The following PLCB1 variants were observed in gnomAD, a reference collection of about 807,000 sequenced individuals.
PLCB1 encodes the protein phospholipase C beta 1.
PLCB1 carries 46 observed loss-of-function variants against 161.8 expected under a neutral mutation model. That is an observed-to-expected ratio of 0.28 (90% CI 0.22 to 0.36). PLCB1 has a LOEUF of 0.36. PLCB1 is among the 10% of genes least tolerant of loss of function. The pLI, the probability that PLCB1 is intolerant of heterozygous loss-of-function variation, is 1.00. For synonymous variants in PLCB1, 517 were observed against 503.7 expected (o/e 1.03, Z -0.35); for missense variants, 1,016 against 1,472.5 (o/e 0.69, Z 5.07).
intron 3 of PLCB1, among the ~76,000 whole-genome samples, chr20:8,441,513 A>G (rs529694793): frequency 1.3e-5 from 2 of 152,356 alleles, no homozygotes; most frequent in South Asian, 4.1e-4. Flanking sequence ...ATTCCAATTT[A>G]TATCAATAAG....
At position 8,388,434 on chromosome 20, in the gene PLCB1, C is replaced by T. The variant is rs913886920; in HGVS notation, c.246+16984C>T. Among the ~76,000 whole-genome samples the T allele has an allele frequency of 7.9e-5, 12 of 152,134 alleles. No individual in the cohort carries two copies. The East Asian group carries it at 2.3e-3, about 29-fold the overall frequency. On this transcript the variant is annotated intron_variant, in intron 3 of 31. Coordinates refer to ENST00000338037, the MANE Select transcript of PLCB1 (RefSeq NM_015192.4). The stretch of plus-strand genomic sequence containing the variant: ...TCCCATTGCTGATTATAAGCTGTTT[C>T]CCTGACTTTGTACAGATTTCACCAT...
At chr20:8,333,021 T>C (rs1434123798) in intron 2 of PLCB1, among the ~76,000 whole-genome samples, 1 of 152,198 alleles carries the variant, frequency 6.6e-6, no homozygotes, top group African/African-American at 2.4e-5. Flanking sequence ...AAAAGTCTTC[T>C]CAACGAGGGA....
chr20:8,533,003 T>A (rs953400660), intron 3 of PLCB1, among the ~76,000 whole-genome samples: 3 of 146,532 alleles, frequency 2.0e-5, no homozygotes, highest in African/African-American at 7.6e-5. Flanking sequence ...CCTAATGCTA[T>A]CCCTCCCCCC....
chr20:8,197,538 C>T (rs1228071560), intron 2 of PLCB1, among the ~76,000 whole-genome samples: 4 of 152,084 alleles, frequency 2.6e-5, no homozygotes, highest in African/African-American at 9.6e-5. Flanking sequence ...TGTTTGAGTT[C>T]ATTGTAGATT....
Position 8,761,525 on chromosome 20 carries a change from T to G in PLCB1, c.2710+1065T>G, listed in dbSNP as rs149350175. Among the ~76,000 whole-genome samples, 481 of 152,326 alleles carry G rather than the reference T, an allele frequency of 3.2e-3. 1 individual carries two copies. Among genetic ancestry groups the G allele is most frequent in the African/African-American group, 0.01 (425 of 41,582 alleles). On this transcript the variant is annotated intron_variant, in intron 25 of 31. Transcript: ENST00000338037. ...AAGAAAACAAAACATGGTTTGGTTT[T>G]GTTTTGTTTTTGAGACAAAGTCTCA...
At chr20:8,480,954 A>G (rs1490452519) in intron 3 of PLCB1, among the ~76,000 whole-genome samples, 3 of 152,108 alleles carry the variant, frequency 2.0e-5, no homozygotes, top group Non-Finnish European at 4.4e-5. Context: ...AAATACAAAA[A>G]TTAGCTGGGC....
chr20:8,625,751 T>C (rs941889325), intron 3 of PLCB1, among the ~76,000 whole-genome samples: 4 of 152,182 alleles, frequency 2.6e-5, no homozygotes, highest in African/African-American at 9.7e-5. Context: ...ACCATCCAGA[T>C]GTAGAATCAT....
At chr20:8,259,546 G>A (rs1483571686) in intron 2 of PLCB1, among the ~76,000 whole-genome samples, 2 of 152,044 alleles carry the variant, frequency 1.3e-5, no homozygotes, top group African/African-American at 2.4e-5. Context: ...AGCCCCAAAG[G>A]CAGAGGATGG....
At chr20:8,515,446 G>A (rs1984069525) in intron 3 of PLCB1, among the ~76,000 whole-genome samples, 1 of 152,158 alleles carries the variant, frequency 6.6e-6, no homozygotes, top group Non-Finnish European at 1.5e-5. Context: ...GATGCTGTGA[G>A]CGTGTGTTAG....
At chr20:8,829,554 G>A (rs900720882) in intron 31 of PLCB1, among the ~76,000 whole-genome samples, 12 of 152,190 alleles carry the variant, frequency 7.9e-5, no homozygotes, top group East Asian at 5.8e-4. Flanking sequence ...TTTTGTAGAT[G>A]GATTTGAAGA....
intron 19 of PLCB1, among the ~76,000 whole-genome samples, chr20:8,733,792 TAATAATAATAA>T (rs1312728621): frequency 3.0e-5 from 2 of 65,930 alleles, no homozygotes; most frequent in East Asian, 6.0e-4. Context: ...AGTATAATAA[TAATAATAATAA>T]TAATAATAAT....
rs1176778866 is a variant in PLCB1 at position 8,433,741 on chromosome 20, C to G, written c.246+62291C>G. On this transcript the variant is annotated intron_variant, in intron 3 of 31. Coordinates refer to ENST00000338037, the MANE Select transcript of PLCB1 (RefSeq NM_015192.4). ...TCCTCCTCATCCTCCTCCTCCTCCT[C>G]CTCATGGACAATTGGTTTCATCCAT... is the stretch of plus-strand genomic sequence containing the variant. Among the ~76,000 whole-genome samples, 2 of 116,754 alleles carry G rather than the reference C, an allele frequency of 1.7e-5. 1 individual carries two copies. Among genetic ancestry groups the G allele is most frequent in the African/African-American group, 7.2e-5 (2 of 27,912 alleles). The allele number at this position is 116,754 out of a possible 152,430, so 76.6% of individuals were successfully genotyped here.
intron 2 of PLCB1, among the ~76,000 whole-genome samples, chr20:8,260,159 C>T (rs928438106): frequency 1.5e-4 from 23 of 150,866 alleles, no homozygotes; most frequent in Admixed American, 2.6e-4. Flanking sequence ...TAGCTCACTG[C>T]ACCCTCAAAC....
chr20:8,784,666 A>G (rs1334130695), intron 27 of PLCB1, among the ~76,000 whole-genome samples: 1 of 152,076 alleles, frequency 6.6e-6, no homozygotes, highest in African/African-American at 2.4e-5. Context: ...TACATATTTT[A>G]CATATTAAAC....
At chr20:8,357,710 G>A (rs138050787) in intron 2 of PLCB1, among the ~76,000 whole-genome samples, 2,109 of 152,274 alleles carry the variant, frequency 0.014, 18 homozygotes, top group Non-Finnish European at 0.021. Flanking sequence ...GTCTGGATTT[G>A]AAGGAAGAAA....
chr20:8,636,012 T>C (rs572352127), intron 4 of PLCB1, among the ~76,000 whole-genome samples: 1 of 152,334 alleles, frequency 6.6e-6, no homozygotes, highest in Non-Finnish European at 1.5e-5. Flanking sequence ...CTCGTTTCTA[T>C]TTTGAATTTC....
At chr20:8,150,264 T>G in intron 1 of PLCB1, 30 bp from the exon 2 acceptor site, 1 of 968,958 alleles carries the variant, frequency 1.0e-6, no homozygotes, top group Non-Finnish European at 1.6e-6. Flanking sequence ...TGATATATGT[T>G]GATATTCATG....
At chr20:8,581,624 G>C (rs1266156495) in intron 3 of PLCB1, among the ~76,000 whole-genome samples, 2 of 152,136 alleles carry the variant, frequency 1.3e-5, no homozygotes, top group African/African-American at 2.4e-5. Flanking sequence ...GGTTCTGCTA[G>C]AGTGACTCAC....
intron 2 of PLCB1, among the ~76,000 whole-genome samples, chr20:8,341,523 G>T (rs1362517601): frequency 6.6e-6 from 1 of 151,956 alleles, no homozygotes; most frequent in African/African-American, 2.4e-5. Context: ...TTTCTTCCTG[G>T]ATTCTTTTCT....
Sources: gnomAD v4.1 joint callset for allele counts (sites outside exome capture counted in the v4.1 genomes callset) on GRCh38, gnomAD v4.1.1 for gene constraint, MANE v1.5 for transcripts, NCBI Gene and HGNC (gene_info 2026-07-23, HGNC 2026-07-21) for gene names.